Variants in FGF13 observed in about 807,000 individuals in gnomAD.
The protein encoded by FGF13 is fibroblast growth factor 13, also known as fibroblast growth factor homologous factor 2.
FGF13 carries 2 observed loss-of-function variants against 19.5 expected under a neutral mutation model. The ratio of observed to expected loss-of-function variants is 0.10; its 90% CI spans 0.04 to 0.32. FGF13 has a LOEUF of 0.32. FGF13 is among the 10% of genes least tolerant of loss of function. The pLI is 1.00. For missense variants in FGF13, 113 were observed against 192.7 expected (o/e 0.59, Z 2.45); for synonymous variants, 72 against 76.9 (o/e 0.94, Z 0.33).
chrX:138,938,810 T>G (rs1451099296), intron 1 of FGF13, among the ~76,000 whole-genome samples: 1 of 112,077 alleles, frequency 8.9e-6, no homozygotes, highest in Non-Finnish European at 1.9e-5. Flanking sequence ...CTGAGCTTGA[T>G]GTACTTCCAA....
At chrX:138,829,599 C>A (rs892803918) in intron 3 of FGF13, among the ~76,000 whole-genome samples, 2 of 112,084 alleles carry the variant, frequency 1.8e-5, no homozygotes, top group African/African-American at 3.2e-5. Context: ...TATAGCAACA[C>A]AAAATGGACT....
At chrX:138,829,218 A>G (rs374932283) in intron 3 of FGF13, among the ~76,000 whole-genome samples, 2 of 111,775 alleles carry the variant, frequency 1.8e-5, no homozygotes, top group East Asian at 2.8e-4. Flanking sequence ...GTTTGTCCCC[A>G]CTAAATCTCA....
At position 138,711,113 on chromosome X, in the gene FGF13, C is replaced by T. The variant is rs1340900701; in HGVS notation, c.-110G>A. On this transcript the variant is annotated 5_prime_UTR_variant, in exon 1 of 5. Coordinates refer to ENST00000315930, the MANE Select transcript of FGF13 (RefSeq NM_004114.5). ...TGTCTCGCGACTTCGCCGCTTTGGT[C>T]TCCTTAGCCTGCGTTTGCCCGGGCT... 32 of 1,121,089 alleles carry T rather than the reference C, an allele frequency of 2.9e-5. No individual in the cohort carries two copies. In the Admixed American group the frequency reaches 4.4e-4, roughly 16 times the overall value. The allele number at this position is 1,121,089 out of a possible 1,213,427, so 92.4% of individuals were successfully genotyped here. A position where few individuals can be genotyped will look rare whatever the true frequency, so the allele number is the denominator to read the frequency against.
chrX:138,710,114 T>C (rs17538809), intron 1 of FGF13, among the ~76,000 whole-genome samples: 2,753 of 111,040 alleles, frequency 0.025, 38 homozygotes, highest in Non-Finnish European at 0.038. Flanking sequence ...CTCCTACCAC[T>C]GAAAATGTTC....
chrX:139,198,520 G>A (rs73634017), intron 1 of FGF13, among the ~76,000 whole-genome samples: 6,694 of 111,588 alleles, frequency 0.06, 368 homozygotes, highest in African/African-American at 0.18. Context: ...CGTGACACTA[G>A]TACTATTTCT....
chrX:139,132,593 A>G (rs2083769408), intron 1 of FGF13, among the ~76,000 whole-genome samples: 1 of 112,291 alleles, frequency 8.9e-6, no homozygotes, highest in African/African-American at 3.2e-5. Context: ...CTACCTTAAG[A>G]GCAAATAATG....
intron 2 of FGF13, among the ~76,000 whole-genome samples, chrX:138,705,300 CAG>C (rs963516549): frequency 7.2e-5 from 8 of 111,019 alleles, no homozygotes; most frequent in Middle Eastern, 4.8e-3. Context: ...AAGAAAGAAA[CAG>C]AGAGAGACTA....
At chrX:138,794,527 C>T (rs2124376568) in intron 3 of FGF13, among the ~76,000 whole-genome samples, 1 of 111,897 alleles carries the variant, frequency 8.9e-6, no homozygotes, top group East Asian at 2.8e-4. Context: ...ACTCAGTTAA[C>T]AGGCCTTACC....
chrX:138,928,909 G>C (rs1603039670), intron 1 of FGF13, among the ~76,000 whole-genome samples: 1 of 111,992 alleles, frequency 8.9e-6, no homozygotes, highest in East Asian at 2.8e-4. Flanking sequence ...GGTTTTCAGT[G>C]ATACAAGTCT....
At chrX:138,951,474 G>T (rs1168149756) in intron 1 of FGF13, among the ~76,000 whole-genome samples, 1 of 111,434 alleles carries the variant, frequency 9.0e-6, no homozygotes, top group Non-Finnish European at 1.9e-5. Context: ...GTAAGCCACA[G>T]TCAGGAAAAA....
At chrX:139,140,071 C>T (rs1603217784) in intron 1 of FGF13, among the ~76,000 whole-genome samples, 3 of 111,316 alleles carry the variant, frequency 2.7e-5, no homozygotes, top group African/African-American at 9.8e-5. Flanking sequence ...ATCCATAATC[C>T]AGGACTTCAT....
chrX:138,740,813 A>G (rs767728003), upstream of FGF13, among the ~76,000 whole-genome samples: 110 of 112,486 alleles, frequency 9.8e-4, no homozygotes, highest in African/African-American at 3.3e-3. Context: ...ACCATTTTGA[A>G]ACTAACAATT....
At chrX:138,757,991 C>T (rs138822103) in intron 3 of FGF13, among the ~76,000 whole-genome samples, 13 of 112,112 alleles carry the variant, frequency 1.2e-4, no homozygotes, top group African/African-American at 4.2e-4. Context: ...AGGGACTGTA[C>T]TGTTAGTCAC....
rs747173551 is a variant in FGF13 at position 139,045,184 on chromosome X, G to A, written c.-113+158232C>T. On this transcript the variant is annotated intron_variant, in intron 1 of 2. Coordinates refer to the FGF13 transcript ENST00000421460. Reference sequence around the variant, plus strand: ...CTTATGGTTTGCATTCTCCAAAGTGGTACCTCAAACTGTACCTGGGCCCCT... The same window carrying A: ...CTTATGGTTTGCATTCTCCAAAGTGATACCTCAAACTGTACCTGGGCCCCT... Among the ~76,000 whole-genome samples the A allele has an allele frequency of 2.7e-5, 3 of 112,326 alleles. No homozygotes were observed. The South Asian group carries it at 1.1e-3, about 41-fold the overall frequency.
intron 3 of FGF13, among the ~76,000 whole-genome samples, chrX:138,839,593 C>T (rs2091136018): frequency 9.0e-6 from 1 of 111,548 alleles, no homozygotes; most frequent in South Asian, 3.8e-4. Context: ...TTTAATAAAT[C>T]AGGTCTTCTA....
chrX:138,896,795 C>A (rs1056825592), intron 1 of FGF13, among the ~76,000 whole-genome samples: 5 of 111,798 alleles, frequency 4.5e-5, no homozygotes, highest in African/African-American at 1.6e-4. Context: ...TGGAATGCCT[C>A]CCTCAACCTT....
intron 1 of FGF13, among the ~76,000 whole-genome samples, chrX:138,718,521 A>G (rs2090125645): frequency 8.9e-6 from 1 of 112,087 alleles, no homozygotes; most frequent in Non-Finnish European, 1.9e-5. Context: ...CACAACCAGC[A>G]TTAAGGAACA....
chrX:138,659,947 T>C (rs1277972808), intron 3 of FGF13, among the ~76,000 whole-genome samples: 2 of 110,822 alleles, frequency 1.8e-5, no homozygotes, highest in African/African-American at 3.3e-5. Flanking sequence ...TTAGGACAAA[T>C]AGCTAATGCA....
chrX:138,908,030 A>G (rs1405266741), intron 1 of FGF13, among the ~76,000 whole-genome samples: 14 of 58,705 alleles, frequency 2.4e-4, no homozygotes, highest in African/African-American at 7.2e-4. Context: ...ATATGTCTGT[A>G]GAGTAGGATT....
Sources: allele counts gnomAD v4.1 joint callset (sites outside exome capture counted in the v4.1 genomes callset), GRCh38; gene constraint gnomAD v4.1.1; transcripts MANE v1.5; gene names NCBI Gene and HGNC (gene_info 2026-07-23, HGNC 2026-07-21).